The following SLC25A13 variants were observed in gnomAD, a reference collection of about 807,000 sequenced individuals.
SLC25A13 encodes solute carrier family 25 member 13, also known as electrogenic aspartate/glutamate antiporter SLC25A13, mitochondrial.
SLC25A13 carries 70 observed loss-of-function variants against 85.5 expected under a neutral mutation model. The ratio of observed to expected loss-of-function variants is 0.82; its 90% CI spans 0.68 to 1.00. SLC25A13 has a LOEUF of 1.00. Ranked by LOEUF, SLC25A13 falls within the 50% of genes least tolerant of loss-of-function variation. SLC25A13 has a pLI of 0.00. For missense variants in SLC25A13, 765 were observed against 819.8 expected (o/e 0.93, Z 0.82); for synonymous variants, 259 against 288.7 (o/e 0.90, Z 1.04).
At chr7:96,169,996 A>G (rs1477180724) in intron 13 of SLC25A13, 49 bp downstream of exon 13, 3 of 1,545,028 alleles carry the variant, frequency 1.9e-6, no homozygotes, top group South Asian at 2.2e-5. Flanking sequence ...GTAGTGATAT[A>G]TATGTGAAAC....
At chr7:96,142,430 A>G (rs1225954226) in intron 14 of SLC25A13, among the ~76,000 whole-genome samples, 4 of 152,198 alleles carry the variant, frequency 2.6e-5, no homozygotes, top group Admixed American at 2.0e-4. Context: ...TGCAAAGGAT[A>G]TAATTTAGTT....
chr7:96,190,144 G>T (rs1794788267), intron 7 of SLC25A13, among the ~76,000 whole-genome samples: 1 of 150,164 alleles, frequency 6.7e-6, no homozygotes, highest in Non-Finnish European at 1.5e-5. Context: ...GAGTGCAGTG[G>T]TGCAATCTCG....
intron 2 of SLC25A13, among the ~76,000 whole-genome samples, chr7:96,296,543 C>T (rs1244837618): frequency 1.3e-5 from 2 of 151,374 alleles, no homozygotes; most frequent in Non-Finnish European, 2.9e-5. Flanking sequence ...TGCAGTGGCA[C>T]GATCTCAGCT....
At chr7:96,264,825 A>G (rs552993050) in intron 3 of SLC25A13, among the ~76,000 whole-genome samples, 121 of 152,276 alleles carry the variant, frequency 7.9e-4, no homozygotes, top group African/African-American at 2.9e-3. Context: ...CTGGGATTAC[A>G]GGCATGAGCC....
At chr7:96,251,218 G>A (rs1370365028) in intron 3 of SLC25A13, among the ~76,000 whole-genome samples, 5 of 152,174 alleles carry the variant, frequency 3.3e-5, no homozygotes, top group African/African-American at 1.2e-4. Flanking sequence ...TTCAAGGTGC[G>A]GCAAGAAGAC....
chr7:96,237,532 T>G (rs1796791012), intron 3 of SLC25A13, among the ~76,000 whole-genome samples: 1 of 152,086 alleles, frequency 6.6e-6, no homozygotes, highest in Admixed American at 6.5e-5. Flanking sequence ...TAAAAATCAC[T>G]CAGTTTCTGG....
rs1364921943 is a variant in SLC25A13 at position 96,252,497 on chromosome 7, A to C, written c.213-17580T>G. On this transcript the variant is annotated intron_variant, in intron 3 of 17. Transcript: ENST00000265631. The stretch of plus-strand genomic sequence containing the variant: ...TACGCAAATGGACTCTCACAGAAGC[A>C]GCAGGGAGGAGAGGGCTGAAGACAT... 2.0e-5 allele frequency among the ~76,000 whole-genome samples: 3 copies of C among 152,190 alleles called. No individual in the cohort carries two copies. In the East Asian group the frequency reaches 5.8e-4, roughly 29 times the overall value.
chr7:96,211,116 C>G (rs1459736660), intron 4 of SLC25A13, among the ~76,000 whole-genome samples: 1 of 152,018 alleles, frequency 6.6e-6, no homozygotes, highest in South Asian at 2.1e-4. Context: ...TTAAGTTTTT[C>G]TAAAATTAGT....
intron 13 of SLC25A13, among the ~76,000 whole-genome samples, chr7:96,155,110 C>T (rs1793209286): frequency 6.6e-6 from 1 of 152,070 alleles, no homozygotes; most frequent in Admixed American, 6.5e-5. Context: ...CAGCTTCTAC[C>T]AATTCTTGCT....
chr7:96,170,237 T>A, intron 12 of SLC25A13, 112 bp from the exon 13 acceptor site: 1 of 905,132 alleles, frequency 1.1e-6, no homozygotes, highest in Non-Finnish European at 1.8e-6. Flanking sequence ...TCTATTGGAG[T>A]AATCATAAAT....
chr7:96,230,684 A>T (rs1460654836), intron 4 of SLC25A13, among the ~76,000 whole-genome samples: 2 of 152,234 alleles, frequency 1.3e-5, no homozygotes, highest in Non-Finnish European at 2.9e-5. Context: ...GAAAACTGAC[A>T]AAAACAAGCA....
At chr7:96,125,469 C>T (rs995898975) in intron 15 of SLC25A13, among the ~76,000 whole-genome samples, 2 of 152,126 alleles carry the variant, frequency 1.3e-5, no homozygotes, top group African/African-American at 4.8e-5. Flanking sequence ...GAAAAACTAA[C>T]TTTAGTTTTG....
At chr7:96,263,512 T>C (rs1354332514) in intron 3 of SLC25A13, among the ~76,000 whole-genome samples, 1 of 152,104 alleles carries the variant, frequency 6.6e-6, no homozygotes, top group African/African-American at 2.4e-5. Flanking sequence ...ACCAGGCCTA[T>C]AAGCAGGTTG....
intron 1 of SLC25A13, among the ~76,000 whole-genome samples, chr7:96,306,089 A>G (rs1033612902): frequency 1.3e-5 from 2 of 152,176 alleles, no homozygotes; most frequent in South Asian, 4.1e-4. Context: ...TGTCCATTTT[A>G]CAGATGAGGA....
intron 2 of SLC25A13, among the ~76,000 whole-genome samples, chr7:96,290,976 A>T (rs1799096242): frequency 6.6e-6 from 1 of 152,234 alleles, no homozygotes; most frequent in African/African-American, 2.4e-5. Context: ...CAGAATATAC[A>T]TTCTTCTCAG....
intron 2 of SLC25A13, among the ~76,000 whole-genome samples, chr7:96,296,293 C>T (rs1310992466): frequency 2.0e-5 from 3 of 151,932 alleles, no homozygotes; most frequent in Non-Finnish European, 2.9e-5. Context: ...AAAAGCTATA[C>T]GGGTCAATCC....
intron 4 of SLC25A13, among the ~76,000 whole-genome samples, chr7:96,222,070 G>T (rs1057038751): frequency 2.1e-4 from 32 of 152,086 alleles, no homozygotes; most frequent in African/African-American, 7.2e-4. Flanking sequence ...TATTTTTTCC[G>T]CAGGACTTCT....
intron 1 of SLC25A13, among the ~76,000 whole-genome samples, chr7:96,315,069 T>A (rs898544893): frequency 6.6e-6 from 1 of 151,810 alleles, no homozygotes; most frequent in African/African-American, 2.4e-5. Flanking sequence ...TTCAGTCAAG[T>A]TTGGGATTAA....
chr7:96,279,724 A>C (rs1401047846), intron 2 of SLC25A13, among the ~76,000 whole-genome samples: 2 of 152,114 alleles, frequency 1.3e-5, no homozygotes, highest in Non-Finnish European at 2.9e-5. Context: ...TAAATATCAG[A>C]GAGTTTATCT....
Sources: gnomAD v4.1 joint callset for allele counts (sites outside exome capture counted in the v4.1 genomes callset) on GRCh38, gnomAD v4.1.1 for gene constraint, MANE v1.5 for transcripts, NCBI Gene and HGNC (gene_info 2026-07-23, HGNC 2026-07-21) for gene names.